Variants in STK3 observed in about 807,000 individuals in gnomAD.
STK3 encodes the protein serine/threonine kinase 3.
In STK3, 41 loss-of-function variants were observed where a neutral mutation model predicts 58.0. The ratio of observed to expected loss-of-function variants is 0.71; its 90% CI spans 0.55 to 0.92. The LOEUF is 0.92. Ranked by LOEUF, STK3 falls within the 40% of genes least tolerant of loss-of-function variation. STK3 has a pLI of 0.00. For synonymous variants in STK3, 170 were observed against 191.0 expected (o/e 0.89, Z 0.91); for missense variants, 479 against 602.7 (o/e 0.79, Z 2.15).
chr8:98,926,017 A>T (rs1187279775), intron 1 of STK3, among the ~76,000 whole-genome samples: 1 of 152,194 alleles, frequency 6.6e-6, no homozygotes, highest in Non-Finnish European at 1.5e-5. Flanking sequence ...GCAGATGCCA[A>T]AGAGGGGCCG....
At chr8:98,408,490 G>A (rs1818021682) in intron 3 of STK3, among the ~76,000 whole-genome samples, 1 of 152,188 alleles carries the variant, frequency 6.6e-6, no homozygotes, top group South Asian at 2.1e-4. Context: ...CAGGAGAAGA[G>A]AAAGGCTCAT....
chr8:98,532,421 C>T (rs1325496921), intron 9 of STK3, among the ~76,000 whole-genome samples: 3 of 151,994 alleles, frequency 2.0e-5, no homozygotes, highest in African/African-American at 7.3e-5. Flanking sequence ...TTGTTGTACC[C>T]CAAAACAATT....
chr8:98,614,763 C>G (rs1040663034), intron 6 of STK3, among the ~76,000 whole-genome samples: 2 of 152,194 alleles, frequency 1.3e-5, no homozygotes, highest in Non-Finnish European at 2.9e-5. Flanking sequence ...GCTTAAAAAA[C>G]GGCGCACCAC....
intron 10 of STK3, among the ~76,000 whole-genome samples, chr8:98,458,586 C>T (rs1189352436): frequency 1.3e-5 from 2 of 152,024 alleles, no homozygotes; most frequent in African/African-American, 2.4e-5. Context: ...GGCTGTGTCC[C>T]CACCCAAATC....
chr8:98,523,907 C>T (rs1825563619), intron 10 of STK3, among the ~76,000 whole-genome samples: 1 of 152,174 alleles, frequency 6.6e-6, no homozygotes, highest in African/African-American at 2.4e-5. Context: ...TTTTTAGTGT[C>T]ATAGCCTAGA....
chr8:98,614,771 C>A (rs1270883791), intron 6 of STK3, among the ~76,000 whole-genome samples: 2 of 152,254 alleles, frequency 1.3e-5, no homozygotes, highest in East Asian at 3.9e-4. Flanking sequence ...AACGGCGCAC[C>A]ACGAGACTAT....
At chr8:98,541,851 C>T (rs1810304704) in intron 9 of STK3, among the ~76,000 whole-genome samples, 1 of 152,214 alleles carries the variant, frequency 6.6e-6, no homozygotes, top group Non-Finnish European at 1.5e-5. Flanking sequence ...GATACGATTT[C>T]TTCTCAGTAA....
intron 6 of STK3, among the ~76,000 whole-genome samples, chr8:98,653,116 A>C (rs1180634637): frequency 6.6e-6 from 1 of 152,214 alleles, no homozygotes; most frequent in Non-Finnish European, 1.5e-5. Flanking sequence ...AAAGAACACA[A>C]ATTATAACAA....
intron 10 of STK3, among the ~76,000 whole-genome samples, chr8:98,490,443 G>A (rs182983898): frequency 4.6e-5 from 7 of 152,220 alleles, no homozygotes; most frequent in Middle Eastern, 3.4e-3. Flanking sequence ...GGTAATAGCT[G>A]ACACTCTTTT....
chr8:98,711,009 G>C (rs1371681069), intron 4 of STK3, among the ~76,000 whole-genome samples: 1 of 152,162 alleles, frequency 6.6e-6, no homozygotes, highest in Non-Finnish European at 1.5e-5. Context: ...AGCCTCCATT[G>C]CTCATACCCA....
chr8:98,346,487 T>A, the STK3 span, among the ~76,000 whole-genome samples: 3 of 150,806 alleles, frequency 2.0e-5, no homozygotes, highest in Admixed American at 6.6e-5. Flanking sequence ...GAACACCAAG[T>A]AAAAGAAACA....
chr8:98,744,410 A>G (rs1829485520), intron 4 of STK3, among the ~76,000 whole-genome samples: 1 of 152,056 alleles, frequency 6.6e-6, no homozygotes, highest in Admixed American at 6.6e-5. Flanking sequence ...CACAAAAAAT[A>G]ATGAGTTCAT....
chr8:98,498,382 C>A (rs1017488681), intron 10 of STK3, among the ~76,000 whole-genome samples: 1 of 152,172 alleles, frequency 6.6e-6, no homozygotes, highest in Admixed American at 6.6e-5. Flanking sequence ...GTGTTCCATT[C>A]TGCAGTAACA....
At chr8:98,791,282 C>T (rs1205452485) in intron 1 of STK3, among the ~76,000 whole-genome samples, 1 of 152,102 alleles carries the variant, frequency 6.6e-6, no homozygotes, top group Non-Finnish European at 1.5e-5. Flanking sequence ...AAGACCTCTA[C>T]AATGAAAACT....
intron 10 of STK3, among the ~76,000 whole-genome samples, chr8:98,517,489 A>G (rs1825023690): frequency 6.6e-6 from 1 of 152,102 alleles, no homozygotes; most frequent in Non-Finnish European, 1.5e-5. Flanking sequence ...AATGATGTGC[A>G]TACTTCTAAC....
At chr8:98,625,781 T>C (rs892985911) in intron 6 of STK3, among the ~76,000 whole-genome samples, 10 of 152,174 alleles carry the variant, frequency 6.6e-5, no homozygotes, top group Non-Finnish European at 1.0e-4. Flanking sequence ...GAAAAAGAAG[T>C]GTTTGTCGTA....
At chr8:98,650,393 C>A (rs1482513934) in intron 6 of STK3, among the ~76,000 whole-genome samples, 1 of 152,254 alleles carries the variant, frequency 6.6e-6, no homozygotes, top group Non-Finnish European at 1.5e-5. Context: ...CTCTGGTCTA[C>A]AGCTCTCAGC....
intron 10 of STK3, among the ~76,000 whole-genome samples, chr8:98,478,932 C>T (rs1002224073): frequency 1.1e-4 from 16 of 152,206 alleles, no homozygotes; most frequent in Non-Finnish European, 2.2e-4. Flanking sequence ...CGATTTTCCT[C>T]TCTCCCTATG....
intron 6 of STK3, among the ~76,000 whole-genome samples, chr8:98,699,708 A>G (rs1587345070): frequency 6.6e-6 from 1 of 152,214 alleles, no homozygotes; most frequent in East Asian, 1.9e-4. Flanking sequence ...CTGCTGTCTG[A>G]TCGTTCCTCT....
Sources: gnomAD v4.1 joint callset for allele counts (sites outside exome capture counted in the v4.1 genomes callset) on GRCh38, gnomAD v4.1.1 for gene constraint, MANE v1.5 for transcripts, NCBI Gene and HGNC (gene_info 2026-07-23, HGNC 2026-07-21) for gene names.